CNTNAP3: variants seen among roughly 807,000 people sequenced by gnomAD.
CNTNAP3 encodes contactin associated protein family member 3, also known as contactin-associated protein-like 3.
Under a neutral mutation model 92.1 loss-of-function variants are expected in CNTNAP3, and 36 were observed. The ratio of observed to expected loss-of-function variants is 0.39; its 90% confidence interval spans 0.30 to 0.52. CNTNAP3 has a LOEUF of 0.52. CNTNAP3 is among the 20% of genes least tolerant of loss of function. The pLI is 0.76. For missense variants in CNTNAP3, 534 were observed against 1,069.6 expected (o/e 0.50, Z 6.98); for synonymous variants, 232 against 422.3 (o/e 0.55, Z 5.53).
At chr9:39,114,023 T>TACACAC (rs772231006) in intron 14 of CNTNAP3, among the ~76,000 whole-genome samples, 12 of 141,568 alleles carry the variant, frequency 8.5e-5, no homozygotes, top group African/African-American at 3.5e-4. Flanking sequence ...CACATATATA[T>TACACAC]ACACACATAT....
intron 18 of CNTNAP3, among the ~76,000 whole-genome samples, chr9:39,094,403 G>A (rs1259133025): frequency 2.0e-5 from 3 of 151,554 alleles, no homozygotes; most frequent in East Asian, 1.9e-4. Flanking sequence ...GTTGTTGCCC[G>A]TGCTTTTGGG....
At position 39,078,761 on chromosome 9, in the gene CNTNAP3, G is replaced by C; in HGVS notation, c.3602C>G (p.Ala1201Gly). The change falls in exon 22 of 24, where the codon GCC (alanine) becomes GGC (glycine). Residue 1201 changes from alanine (A) to glycine (G), a missense_variant. By Grantham distance (60) the Ala-to-Gly change is moderately conservative (BLOSUM62 0). Transcript: ENST00000297668. ...VTVRGHVAPM[A>G]RCAAGAASGS... ...GGACGCCGCCCCCGCTGCGCAGCGG[G>C]CCATAGGGGCCACGTGGCCGCGGAC... The C allele has an allele frequency of 6.6e-7, 1 of 1,511,556 alleles. No homozygotes were observed. The highest frequency in any genetic ancestry group is 2.5e-5 in the East Asian group (1 of 40,454). The allele number at this position is 1,511,556 out of a possible 1,614,324, so 93.6% of individuals were successfully genotyped here.
intron 15 of CNTNAP3, among the ~76,000 whole-genome samples, chr9:39,105,298 G>C (rs776278380): frequency 6.6e-5 from 10 of 152,072 alleles, no homozygotes; most frequent in Non-Finnish European, 8.8e-5. Context: ...ATGGTGGTGG[G>C]TGCCTGTAGT....
At chr9:39,101,999 G>A (rs1460740983) in intron 17 of CNTNAP3, among the ~76,000 whole-genome samples, 2 of 152,240 alleles carry the variant, frequency 1.3e-5, no homozygotes, top group Admixed American at 1.3e-4. Flanking sequence ...CTGAGATACT[G>A]CAGGGCCCGG....
chr9:39,079,002 G>A lies in CNTNAP3; in HGVS notation c.3443-82C>T, dbSNP rs1437813644. ...GCACACCCCGCATCTGCAAGACAGC[G>A]ACCCTCGTTCCTTCACTCCAGGAGA... On this transcript the variant is annotated intron_variant, in intron 21 of 23. Transcript: ENST00000297668. 2.8e-5 allele frequency: 41 copies of A among 1,481,304 alleles called. 1 individual carries two copies. The East Asian group carries it at 1.0e-3, about 37-fold the overall frequency. 91.8% of individuals were successfully genotyped at this position (1,481,304 alleles called of 1,614,324 possible). A position where few individuals can be genotyped will look rare whatever the true frequency, so the allele number is the denominator to read the frequency against.
At chr9:39,090,606 T>C (rs565306826) in intron 18 of CNTNAP3, among the ~76,000 whole-genome samples, 1 of 152,362 alleles carries the variant, frequency 6.6e-6, no homozygotes, top group Non-Finnish European at 1.5e-5. Flanking sequence ...AGTTATATAC[T>C]GCTTTACAGT....
At chr9:39,089,709 A>G (rs543671442) in intron 18 of CNTNAP3, among the ~76,000 whole-genome samples, 1 of 152,118 alleles carries the variant, frequency 6.6e-6, no homozygotes, top group Non-Finnish European at 1.5e-5. Flanking sequence ...ATATCTCCAC[A>G]TCCTCACCAA....
chr9:39,121,330 C>A (rs1821013924), intron 13 of CNTNAP3, among the ~76,000 whole-genome samples: 1 of 151,400 alleles, frequency 6.6e-6, no homozygotes, highest in Admixed American at 6.6e-5. Context: ...TAAAAAAAAT[C>A]ACCAGGAAGA....
chr9:39,070,702 A>C lies in CNTNAP3; in HGVS notation c.*3188T>G, dbSNP rs961763089. ...CAGGTTGTTTGTAACACAAAGGATA[A>C]ATGTTGAGGGGATGGATACCCCATT... On this transcript the variant is annotated 3_prime_UTR_variant, in exon 24 of 24. Transcript: ENST00000297668. 3.3e-5 allele frequency among the ~76,000 whole-genome samples: 5 copies of C among 152,256 alleles called. No individual in the cohort carries two copies. The highest frequency in any genetic ancestry group is 3.3e-4 in the Admixed American group (5 of 15,290).
At chr9:39,149,522 T>TTC (rs1414082459) in intron 10 of CNTNAP3, among the ~76,000 whole-genome samples, 77 of 151,196 alleles carry the variant, frequency 5.1e-4, no homozygotes, top group African/African-American at 1.8e-3. Flanking sequence ...GCTAATTTTT[T>TTC]TTTTTTTGTA....
intron 21 of CNTNAP3, among the ~76,000 whole-genome samples, chr9:39,079,300 G>A (rs533757511): frequency 6.6e-6 from 1 of 150,942 alleles, no homozygotes; most frequent in Non-Finnish European, 1.5e-5. Context: ...GAGGATTACA[G>A]AAAAGCGACT....
rs1305728122 is a variant in CNTNAP3, at chr9:39,069,353, T to C, written c.*4537A>G. 6.6e-6 allele frequency among the ~76,000 whole-genome samples: 1 copy of C among 152,296 alleles called. No homozygotes were observed. The highest frequency in any genetic ancestry group is 1.5e-5 in the Non-Finnish European group (1 of 68,054). On this transcript the variant is annotated 3_prime_UTR_variant, in exon 24 of 24. Transcript: ENST00000297668. Reference sequence around the variant, plus strand: ...AAAATGTGATATGAGTCATACAAAGTGCTCATGCAGTCACAGAGGTTCTAT... The same window carrying C: ...AAAATGTGATATGAGTCATACAAAGCGCTCATGCAGTCACAGAGGTTCTAT...
In CNTNAP3 at chr9:39,087,664, T is replaced by G. The variant is rs533910010; in HGVS notation, c.3220+759A>C. ...ACCATGCCCGGCTCATTTTTTGTAT[T>G]TTTAGTAGAGATGGGGTTTCACTGT... is the stretch of plus-strand genomic sequence containing the variant. On this transcript the variant is annotated intron_variant, in intron 19 of 23. Transcript: ENST00000297668. Among the ~76,000 whole-genome samples the G allele has an allele frequency of 3.5e-3, 537 of 152,178 alleles. 4 individuals are homozygous for G. Among genetic ancestry groups the G allele is most frequent in the African/African-American group, 0.012 (499 of 41,528 alleles).
chr9:39,142,196 G>A (rs1821592536), intron 11 of CNTNAP3, among the ~76,000 whole-genome samples: 1 of 152,170 alleles, frequency 6.6e-6, no homozygotes, highest in African/African-American at 2.4e-5. Flanking sequence ...AGATGATGCT[G>A]AGTGTGGTGG....
chr9:39,069,072 GA>G lies in CNTNAP3; in HGVS notation c.*4817del, dbSNP rs1825579562. ...ACATGAATCATATCCTAAAGATTTG[GA>G]ACAAGAAGTAAATTTAGCTATCAAT... On this transcript the variant is annotated 3_prime_UTR_variant, in exon 24 of 24. Transcript: ENST00000297668. Among the ~76,000 whole-genome samples, 1 of 152,200 alleles carries G rather than the reference GA, an allele frequency of 6.6e-6. No individual in the cohort carries two copies. Among genetic ancestry groups the G allele is most frequent in the Non-Finnish European group, 1.5e-5 (1 of 68,034 alleles).
intron 14 of CNTNAP3, among the ~76,000 whole-genome samples, chr9:39,111,932 T>C (rs931770900): frequency 6.6e-6 from 1 of 152,098 alleles, no homozygotes; most frequent in African/African-American, 2.4e-5. Context: ...CAGTTTCTTA[T>C]TGTTACAGGC....
In CNTNAP3 at chr9:39,069,025, T is replaced by C. The variant is rs1013296880; in HGVS notation, c.*4865A>G. On this transcript the variant is annotated 3_prime_UTR_variant, in exon 24 of 24. Coordinates refer to ENST00000297668, the MANE Select transcript of CNTNAP3 (RefSeq NM_033655.5). Reference sequence around the variant, plus strand: ...GTAAGTATAAACACACATACACATATATATATGTATGTATATAACACACAT... The same window carrying C: ...GTAAGTATAAACACACATACACATACATATATGTATGTATATAACACACAT... Among the ~76,000 whole-genome samples, 39 of 151,978 alleles carry C rather than the reference T, an allele frequency of 2.6e-4. No individual in the cohort carries two copies. The highest frequency in any genetic ancestry group is 1.2e-3 in the Admixed American group (18 of 15,274).
chr9:39,079,612 TTA>T (rs1325985868), intron 21 of CNTNAP3, among the ~76,000 whole-genome samples: 1 of 151,226 alleles, frequency 6.6e-6, no homozygotes, highest in African/African-American at 2.4e-5. Flanking sequence ...CCATTTGTCT[TTA>T]GAGTAATAAC....
At chr9:39,102,428 C>T in intron 17 of CNTNAP3, 69 bp downstream of exon 17, 2 of 1,558,920 alleles carry the variant, frequency 1.3e-6, no homozygotes, top group Non-Finnish European at 1.7e-6. Flanking sequence ...CAGTACATCA[C>T]AGTTCTTATT....
Sources: allele counts gnomAD v4.1 joint callset (sites outside exome capture counted in the v4.1 genomes callset), GRCh38; gene constraint gnomAD v4.1.1; transcripts MANE v1.5; gene names NCBI Gene and HGNC (gene_info 2026-07-23, HGNC 2026-07-21).